The following NKAIN2 variants were observed in gnomAD, a reference collection of about 807,000 sequenced individuals.
The protein encoded by NKAIN2 is sodium/potassium transporting ATPase interacting 2.
NKAIN2 carries 14 observed loss-of-function variants against 32.6 expected under a neutral mutation model. The observed-to-expected ratio is 0.43, with a 90% CI of 0.28 to 0.67. The LOEUF (loss-of-function observed/expected upper bound fraction) is 0.67. NKAIN2 is among the 30% of genes least tolerant of loss of function. The pLI, the probability that NKAIN2 is intolerant of heterozygous loss-of-function variation, is 0.17. For synonymous variants in NKAIN2, 80 were observed against 87.2 expected (o/e 0.92, Z 0.46); for missense variants, 198 against 258.3 (o/e 0.77, Z 1.60).
At chr6:124,638,618 G>A (rs554139593) in intron 3 of NKAIN2, among the ~76,000 whole-genome samples, 213 of 152,068 alleles carry the variant, frequency 1.4e-3, no homozygotes, top group African/African-American at 4.9e-3. Flanking sequence ...AAAGAGGGCC[G>A]GGCGCGGTGG....
At chr6:124,624,458 A>T (rs1011427407) in intron 3 of NKAIN2, among the ~76,000 whole-genome samples, 3 of 152,144 alleles carry the variant, frequency 2.0e-5, no homozygotes, top group African/African-American at 7.2e-5. Flanking sequence ...AATTAAAGTG[A>T]TGGAGCATGA....
At chr6:123,967,067 C>A (rs1322087603) in intron 1 of NKAIN2, among the ~76,000 whole-genome samples, 6 of 152,098 alleles carry the variant, frequency 3.9e-5, no homozygotes, top group Non-Finnish European at 8.8e-5. Context: ...CATTAGATCC[C>A]AAAGATAACT....
At chr6:124,035,469 C>T (rs375376718) in intron 1 of NKAIN2, among the ~76,000 whole-genome samples, 12 of 152,198 alleles carry the variant, frequency 7.9e-5, no homozygotes, top group Admixed American at 3.3e-4. Context: ...TTAGTTTCCC[C>T]CGAAATCATT....
At chr6:124,657,164 G>A (rs996855221) in intron 3 of NKAIN2, among the ~76,000 whole-genome samples, 3 of 152,062 alleles carry the variant, frequency 2.0e-5, no homozygotes, top group African/African-American at 7.2e-5. Flanking sequence ...GACTTAAGAC[G>A]TTATCTGTAC....
At chr6:124,412,009 C>T (rs930898097) in intron 3 of NKAIN2, among the ~76,000 whole-genome samples, 7 of 152,178 alleles carry the variant, frequency 4.6e-5, no homozygotes, top group Non-Finnish European at 1.0e-4. Flanking sequence ...ACGTGGTTCT[C>T]GTGCCGTGGT....
At chr6:124,715,269 A>C (rs1477801525) in intron 4 of NKAIN2, among the ~76,000 whole-genome samples, 1 of 152,166 alleles carries the variant, frequency 6.6e-6, no homozygotes, top group African/African-American at 2.4e-5. Context: ...AGCTTGAGAG[A>C]TCTTGTGGCT....
intron 1 of NKAIN2, among the ~76,000 whole-genome samples, chr6:123,933,373 T>A (rs1026317489): frequency 6.6e-6 from 1 of 152,234 alleles, no homozygotes; most frequent in African/African-American, 2.4e-5. Context: ...TAAACAGTAA[T>A]GTTACACAGT....
At position 124,711,954 on chromosome 6, in the gene NKAIN2, C is replaced by G. The variant is rs538606212; in HGVS notation, c.474+53568C>G. Among the ~76,000 whole-genome samples, 82 of 152,172 alleles carry G rather than the reference C, an allele frequency of 5.4e-4. 3 individuals carry two copies. The South Asian group carries it at 0.014, about 26-fold the overall frequency. On this transcript the variant is annotated intron_variant, in intron 4 of 6. Coordinates refer to ENST00000368417, the MANE Select transcript of NKAIN2 (RefSeq NM_001040214.3). Reference sequence around the variant, plus strand: ...TTTTTCCCCATCTTTGTGGTTTTATCTACTTTTGGTCTTTGACGATGGTGA... The same window carrying G: ...TTTTTCCCCATCTTTGTGGTTTTATGTACTTTTGGTCTTTGACGATGGTGA...
intron 1 of NKAIN2, among the ~76,000 whole-genome samples, chr6:123,814,689 T>C (rs973882994): frequency 2.6e-5 from 4 of 151,334 alleles, no homozygotes; most frequent in Non-Finnish European, 5.9e-5. Context: ...CCCCAATGAA[T>C]TTTTTTTTGA....
chr6:123,868,671 G>T (rs1772708086), intron 1 of NKAIN2, among the ~76,000 whole-genome samples: 1 of 152,104 alleles, frequency 6.6e-6, no homozygotes, highest in South Asian at 2.1e-4. Context: ...CCTTTACTTT[G>T]TATTACCTGA....
At chr6:124,461,249 A>C (rs1182285971) in intron 3 of NKAIN2, among the ~76,000 whole-genome samples, 1 of 151,810 alleles carries the variant, frequency 6.6e-6, no homozygotes, top group Non-Finnish European at 1.5e-5. Flanking sequence ...CTACAAAATT[A>C]CAGGGCACAT....
intron 5 of NKAIN2, among the ~76,000 whole-genome samples, chr6:124,806,838 C>G (rs1226768126): frequency 6.6e-6 from 1 of 151,912 alleles, no homozygotes; most frequent in Non-Finnish European, 1.5e-5. Flanking sequence ...GGGTTGCAAT[C>G]CTAGTCTCTG....
In NKAIN2 at chr6:124,663,165, G is replaced by A. The variant is rs951373752; in HGVS notation, c.474+4779G>A. The stretch of plus-strand genomic sequence containing the variant: ...ATTTTGGCCAGGTGTGGTGGCTCAC[G>A]CCTGTAATCCCAGCAGTTTGGGAGG... On this transcript the variant is annotated intron_variant, in intron 4 of 6. Coordinates refer to ENST00000368417, the MANE Select transcript of NKAIN2 (RefSeq NM_001040214.3). Among the ~76,000 whole-genome samples, 7 of 152,082 alleles carry A rather than the reference G, an allele frequency of 4.6e-5. No individual in the cohort carries two copies. In the South Asian group the frequency reaches 8.3e-4, roughly 18 times the overall value.
chr6:124,020,175 G>A (rs905929549), intron 1 of NKAIN2, among the ~76,000 whole-genome samples: 1 of 152,050 alleles, frequency 6.6e-6, no homozygotes, highest in African/African-American at 2.4e-5. Context: ...CTGTACCTGT[G>A]CCATCTATGC....
intron 4 of NKAIN2, among the ~76,000 whole-genome samples, chr6:124,696,295 CAGAG>C (rs1184414586): frequency 6.6e-6 from 1 of 152,020 alleles, no homozygotes; most frequent in Non-Finnish European, 1.5e-5. Flanking sequence ...AGGAGAAGCT[CAGAG>C]AGAGAGTTTG....
At chr6:124,082,307 C>A (rs1348976570) in intron 1 of NKAIN2, among the ~76,000 whole-genome samples, 1 of 152,062 alleles carries the variant, frequency 6.6e-6, no homozygotes, top group Non-Finnish European at 1.5e-5. Flanking sequence ...TATCCAATTG[C>A]TTAATGCTAT....
intron 1 of NKAIN2, among the ~76,000 whole-genome samples, chr6:123,897,592 A>G (rs1774346700): frequency 6.6e-6 from 1 of 152,102 alleles, no homozygotes; most frequent in African/African-American, 2.4e-5. Flanking sequence ...TGGGATGGAC[A>G]TACTGCCCTT....
chr6:124,278,768 A>G (rs184917570), intron 1 of NKAIN2, among the ~76,000 whole-genome samples: 1 of 149,370 alleles, frequency 6.7e-6, no homozygotes, highest in African/African-American at 2.4e-5. Context: ...AATATTTGGG[A>G]TTTAGCAACC....
chr6:123,946,683 G>A (rs964584436), intron 1 of NKAIN2, among the ~76,000 whole-genome samples: 2 of 152,200 alleles, frequency 1.3e-5, no homozygotes, highest in Non-Finnish European at 2.9e-5. Flanking sequence ...TACTGTGATA[G>A]AGTAAAACCT....
Sources: gnomAD v4.1 joint callset for allele counts (sites outside exome capture counted in the v4.1 genomes callset) on GRCh38, gnomAD v4.1.1 for gene constraint, MANE v1.5 for transcripts, NCBI Gene and HGNC (gene_info 2026-07-23, HGNC 2026-07-21) for gene names.